CTNNBL1: variants seen among roughly 807,000 people sequenced by gnomAD.
CTNNBL1 encodes the protein beta-catenin-like protein 1.
A neutral mutation model predicts 72.7 loss-of-function variants in CTNNBL1; 31 were observed. The observed-to-expected ratio is 0.43, with a 90% confidence interval of 0.32 to 0.58. The LOEUF (loss-of-function observed/expected upper bound fraction) is 0.58. Ranked by LOEUF, CTNNBL1 falls within the 20% of genes least tolerant of loss-of-function variation. The pLI, the probability that CTNNBL1 is intolerant of heterozygous loss-of-function variation, is 0.08. For synonymous variants in CTNNBL1, 240 were observed against 267.3 expected (o/e 0.90, Z 1.00); for missense variants, 534 against 725.1 (o/e 0.74, Z 3.03).
intron 5 of CTNNBL1, among the ~76,000 whole-genome samples, chr20:37,764,392 T>C (rs1359305764): frequency 6.6e-6 from 1 of 152,182 alleles, no homozygotes; most frequent in Non-Finnish European, 1.5e-5. Context: ...ACACAGATTG[T>C]GCACAGGAGG....
At chr20:37,797,912 C>T (rs1450647012) in intron 10 of CTNNBL1, among the ~76,000 whole-genome samples, 1 of 152,196 alleles carries the variant, frequency 6.6e-6, no homozygotes, top group Non-Finnish European at 1.5e-5. Context: ...GCATGAAATA[C>T]CCTCTCCCTC....
chr20:37,813,789 A>T (rs2072031811), intron 11 of CTNNBL1, among the ~76,000 whole-genome samples: 1 of 152,250 alleles, frequency 6.6e-6, no homozygotes, highest in South Asian at 2.1e-4. Context: ...ACAAAAGTAG[A>T]GAAATAGCCA....
At chr20:37,757,452 A>C (rs1358827381) in intron 4 of CTNNBL1, 107 bp from the exon 5 acceptor site, 13 of 680,798 alleles carry the variant, frequency 1.9e-5, no homozygotes, top group Non-Finnish European at 3.1e-5. Context: ...AGTCTATTAA[A>C]GGTAGATGGT....
chr20:37,843,981 A>AC (rs1461307841), intron 13 of CTNNBL1, among the ~76,000 whole-genome samples: 1 of 152,044 alleles, frequency 6.6e-6, no homozygotes, highest in Non-Finnish European at 1.5e-5. Context: ...ATTCCAATTC[A>AC]CCCCAACCCC....
chr20:37,778,216 T>G (rs1384547328), intron 9 of CTNNBL1, among the ~76,000 whole-genome samples: 1 of 152,204 alleles, frequency 6.6e-6, no homozygotes, highest in African/African-American at 2.4e-5. Context: ...ATTTTCTCAC[T>G]GTAAGAAATG....
intron 10 of CTNNBL1, 102 bp from the exon 11 acceptor site, chr20:37,802,765 C>T: frequency 2.3e-6 from 2 of 886,612 alleles, no homozygotes; most frequent in South Asian, 2.0e-5. Flanking sequence ...GTAATATTTC[C>T]ATTTAGATGT....
intron 11 of CTNNBL1, chr20:37,832,155 T>A (rs2072215283): frequency 6.6e-6 from 1 of 152,236 alleles, no homozygotes; most frequent in Non-Finnish European, 1.5e-5. Flanking sequence ...TTGGCCTTGC[T>A]CCATTTTAGG....
At chr20:37,766,430 A>C (rs768018242) in intron 6 of CTNNBL1, among the ~76,000 whole-genome samples, 1 of 152,164 alleles carries the variant, frequency 6.6e-6, no homozygotes, top group Non-Finnish European at 1.5e-5. Flanking sequence ...AGGGTAGATT[A>C]TGGTGAAGTA....
At chr20:37,729,477 G>GTTT (rs34901589) in intron 1 of CTNNBL1, among the ~76,000 whole-genome samples, 1 of 148,594 alleles carries the variant, frequency 6.7e-6, no homozygotes, top group Non-Finnish European at 1.5e-5. Context: ...CATAGCTAGT[G>GTTT]TTTTTTTTTT....
intron 13 of CTNNBL1, among the ~76,000 whole-genome samples, chr20:37,857,522 A>G (rs775453440): frequency 2.0e-5 from 3 of 152,338 alleles, no homozygotes; most frequent in South Asian, 4.1e-4. Context: ...TCATTTCCAC[A>G]TCAAAGATAG....
In CTNNBL1 at chr20:37,757,578, C is replaced by A; in HGVS notation, c.486C>A (p.Val162=). The change falls in exon 5 of 16, where the codon GTC becomes GTA. Residue 162 remains valine, a synonymous_variant. Coordinates refer to ENST00000361383, the MANE Select transcript of CTNNBL1 (RefSeq NM_030877.5). ...HDNTDVSIAV[V]DLLQELTDID... is the part of the protein sequence containing the mutation. The stretch of plus-strand genomic sequence containing the variant: ...TTTCACATGTGTCCATAGCTGTGGT[C>A]GATTTGCTTCAGGAATTAACAGATA... The A allele has an allele frequency of 1.2e-6, 2 of 1,613,500 alleles. No homozygotes were observed. Among genetic ancestry groups the A allele is most frequent in the South Asian group, 2.2e-5 (2 of 91,012 alleles).
intron 11 of CTNNBL1, among the ~76,000 whole-genome samples, chr20:37,806,645 G>A (rs1407607053): frequency 1.3e-5 from 2 of 152,170 alleles, no homozygotes; most frequent in Non-Finnish European, 2.9e-5. Context: ...CTGGGGCAGG[G>A]TTTTAGCATT....
At chr20:37,776,286 G>A (rs757269067) in intron 7 of CTNNBL1, among the ~76,000 whole-genome samples, 5 of 152,182 alleles carry the variant, frequency 3.3e-5, no homozygotes, top group South Asian at 2.1e-4. Flanking sequence ...TGAGGAAGAC[G>A]TGCACAGAAA....
chr20:37,776,183 G>A (rs1425087896), intron 7 of CTNNBL1, among the ~76,000 whole-genome samples: 1 of 152,144 alleles, frequency 6.6e-6, no homozygotes, highest in African/African-American at 2.4e-5. Context: ...CTTACATTTA[G>A]CACATGTAAG....
intron 11 of CTNNBL1, among the ~76,000 whole-genome samples, chr20:37,839,391 GGTC>G (rs1207743320): frequency 1.3e-5 from 2 of 152,152 alleles, no homozygotes; most frequent in Admixed American, 6.5e-5. Flanking sequence ...TGCTTTTCAA[GGTC>G]ATTATTCTTG....
At chr20:37,835,991 G>C (rs181054092) in intron 11 of CTNNBL1, among the ~76,000 whole-genome samples, 2 of 152,210 alleles carry the variant, frequency 1.3e-5, no homozygotes, top group Admixed American at 6.5e-5. Flanking sequence ...AAATATATTA[G>C]TATAGATGCT....
intron 11 of CTNNBL1, among the ~76,000 whole-genome samples, chr20:37,834,751 G>A (rs1423347981): frequency 2.6e-5 from 4 of 152,136 alleles, no homozygotes; most frequent in East Asian, 1.9e-4. Context: ...TAATCTCACC[G>A]AGCCATGGGT....
intron 3 of CTNNBL1, among the ~76,000 whole-genome samples, chr20:37,742,948 T>G (rs2073230461): frequency 6.6e-6 from 1 of 152,038 alleles, no homozygotes; most frequent in Non-Finnish European, 1.5e-5. Flanking sequence ...GGATTACAAG[T>G]GTGCGCCACC....
intron 11 of CTNNBL1, among the ~76,000 whole-genome samples, chr20:37,823,931 A>G (rs1380627224): frequency 6.6e-6 from 1 of 152,044 alleles, no homozygotes; most frequent in Non-Finnish European, 1.5e-5. Flanking sequence ...ACTGAAAAGG[A>G]CTCCTTACAA....
Sources: allele counts gnomAD v4.1 joint callset (sites outside exome capture counted in the v4.1 genomes callset), GRCh38; gene constraint gnomAD v4.1.1; transcripts MANE v1.5; gene names NCBI Gene and HGNC (gene_info 2026-07-23, HGNC 2026-07-21).